The following ODAD2 variants were observed in gnomAD, a reference collection of about 807,000 sequenced individuals.
ODAD2 encodes outer dynein arm docking complex subunit 2, also known as outer dynein arm-docking complex subunit 2.
Under a neutral mutation model 106.8 loss-of-function variants are expected in ODAD2, and 89 were observed. That is an observed-to-expected ratio of 0.83 (90% CI 0.70 to 0.99). The LOEUF is 0.99. ODAD2 is among the 50% of genes least tolerant of loss of function. The pLI, the probability that ODAD2 is intolerant of heterozygous loss-of-function variation, is 0.00. For synonymous variants in ODAD2, 404 were observed against 436.2 expected (o/e 0.93, Z 0.92); for missense variants, 1,168 against 1,238.5 (o/e 0.94, Z 0.85).
chr10:27,830,514 G>A (rs1793449631), intron 19 of ODAD2, among the ~76,000 whole-genome samples: 1 of 152,196 alleles, frequency 6.6e-6, no homozygotes. Context: ...TTAGAGAAGA[G>A]AGTTTTTCAG....
At chr10:27,893,475 C>T (rs1489297653) in intron 17 of ODAD2, among the ~76,000 whole-genome samples, 1 of 152,116 alleles carries the variant, frequency 6.6e-6, no homozygotes, top group Non-Finnish European at 1.5e-5. Flanking sequence ...TGCTTTCTTC[C>T]CTTTCATGTG....
intron 17 of ODAD2, among the ~76,000 whole-genome samples, chr10:27,869,530 T>C (rs563631070): frequency 7.6e-4 from 90 of 118,640 alleles, no homozygotes; most frequent in Non-Finnish European, 1.4e-3. Flanking sequence ...TTTTTTTCTT[T>C]TTTCTTTTTC....
At chr10:27,868,287 A>G (rs2133397564) in intron 17 of ODAD2, among the ~76,000 whole-genome samples, 1 of 152,298 alleles carries the variant, frequency 6.6e-6, no homozygotes, top group East Asian at 1.9e-4. Context: ...TCAAGGATCT[A>G]GAACCAGAAA....
rs1273681974 is a variant in ODAD2 at position 27,907,735 on chromosome 10, C to T, written c.2538G>A (p.Leu846=). The part of the protein sequence containing the change: ...RLDGVRLLWS[L]LKNPHPDVKA... Reference sequence around the variant, plus strand: ...TCACGTCTGGGTGAGGATTTTTCAGCAGGGACCACAACAAACGAACTCCAT... The same window carrying T: ...TCACGTCTGGGTGAGGATTTTTCAGTAGGGACCACAACAAACGAACTCCAT... Residue 846 remains leucine, a synonymous_variant, in exon 17 of 20, where the codon CTG becomes CTA. Coordinates refer to ENST00000305242, the MANE Select transcript of ODAD2 (RefSeq NM_018076.5). 1 of 1,613,872 alleles carries T rather than the reference C, an allele frequency of 6.2e-7. No homozygotes were observed. Among genetic ancestry groups the T allele is most frequent in the Admixed American group, 1.7e-5 (1 of 59,994 alleles).
At chr10:27,992,226 T>C (rs1419992542) in intron 2 of ODAD2, among the ~76,000 whole-genome samples, 1 of 152,166 alleles carries the variant, frequency 6.6e-6, no homozygotes, top group Non-Finnish European at 1.5e-5. Flanking sequence ...TACCTCTCTC[T>C]ACCCTTCCAA....
intron 19 of ODAD2, among the ~76,000 whole-genome samples, chr10:27,850,823 T>C (rs897737846): frequency 2.6e-5 from 4 of 152,092 alleles, no homozygotes; most frequent in African/African-American, 9.7e-5. Context: ...ACAAAAAAGG[T>C]AAGCCCTAAG....
At chr10:27,928,336 T>A (rs904299402) in intron 16 of ODAD2, among the ~76,000 whole-genome samples, 1 of 152,120 alleles carries the variant, frequency 6.6e-6, no homozygotes, top group African/African-American at 2.4e-5. Flanking sequence ...CCATCATAGG[T>A]CTTTATTTAA....
intron 19 of ODAD2, among the ~76,000 whole-genome samples, chr10:27,826,640 T>A (rs2132938700): frequency 6.6e-6 from 1 of 152,026 alleles, no homozygotes; most frequent in South Asian, 2.1e-4. Context: ...GGAAGAGGTG[T>A]CTCCTCCTGC....
At chr10:27,925,991 G>A (rs908315704) in intron 16 of ODAD2, among the ~76,000 whole-genome samples, 4 of 143,272 alleles carry the variant, frequency 2.8e-5, no homozygotes, top group African/African-American at 5.2e-5. Context: ...GGGTGACAGA[G>A]TGAGACTCCA....
At chr10:27,879,630 T>C (rs1054840739) in intron 17 of ODAD2, among the ~76,000 whole-genome samples, 5 of 152,208 alleles carry the variant, frequency 3.3e-5, no homozygotes, top group African/African-American at 7.2e-5. Context: ...AACTATATGA[T>C]GTATTATACT....
chr10:27,905,109 A>C (rs1843493795), intron 17 of ODAD2: 6 of 212,622 alleles, frequency 2.8e-5, no homozygotes, highest in Admixed American at 2.5e-4. Context: ...GAGGACATGC[A>C]AGCATTTTGA....
chr10:27,928,194 A>G (rs1590046870), intron 16 of ODAD2, among the ~76,000 whole-genome samples: 1 of 152,048 alleles, frequency 6.6e-6, no homozygotes, highest in African/African-American at 2.4e-5. Flanking sequence ...TCTTTCTTCA[A>G]CCATCTTCTA....
At chr10:27,871,038 A>T (rs1589872350) in intron 17 of ODAD2, among the ~76,000 whole-genome samples, 2 of 152,278 alleles carry the variant, frequency 1.3e-5, no homozygotes, top group Admixed American at 6.5e-5. Context: ...CTTTTTAATG[A>T]TCGACATTCT....
At chr10:27,818,826 C>A (rs567496867) in intron 19 of ODAD2, among the ~76,000 whole-genome samples, 1 of 152,260 alleles carries the variant, frequency 6.6e-6, no homozygotes, top group South Asian at 2.1e-4. Context: ...CATAGCTCAA[C>A]TACCTGAGAA....
In ODAD2 at chr10:27,882,173, A is replaced by AAAAGAAAGAAAGAAAGAAAG. The variant is rs377482668; in HGVS notation, c.2611-19571_2611-19552dup. Among the ~76,000 whole-genome samples the AAAAGAAAGAAAGAAAGAAAG allele has an allele frequency of 7.1e-3, 775 of 109,720 alleles. 9 individuals carry two copies. The highest frequency in any genetic ancestry group is 0.014 in the East Asian group (54 of 3,938). 72.0% of individuals were successfully genotyped at this position (109,720 alleles called of 152,430 possible). A position where few individuals can be genotyped will look rare whatever the true frequency, so the allele number is the denominator to read the frequency against. On this transcript the variant is annotated intron_variant, in intron 17 of 19. Coordinates refer to ENST00000305242, the MANE Select transcript of ODAD2 (RefSeq NM_018076.5). The stretch of plus-strand genomic sequence containing the variant: ...ACAGAGTGAGACCTTGTCATAAAAA[A>AAAAGAAAGAAAGAAAGAAAG]AAAGAAAGAAAGAAAGAAAGAAAGA...
intron 10 of ODAD2, chr10:27,957,526 A>T (rs1205576846): frequency 6.6e-6 from 1 of 152,256 alleles, no homozygotes; most frequent in East Asian, 1.9e-4. Context: ...CTTATCAGTA[A>T]GGTAGCTGAA....
At chr10:27,903,975 A>C (rs1843400057) in intron 17 of ODAD2, among the ~76,000 whole-genome samples, 1 of 152,130 alleles carries the variant, frequency 6.6e-6, no homozygotes, top group Non-Finnish European at 1.5e-5. Context: ...TTCTCAAGAT[A>C]ATACAATCTA....
At chr10:27,924,714 A>G (rs2133999894) in intron 16 of ODAD2, among the ~76,000 whole-genome samples, 1 of 150,638 alleles carries the variant, frequency 6.6e-6, no homozygotes, top group African/African-American at 2.4e-5. Context: ...GAAAATTTAA[A>G]CACCATTAAG....
chr10:27,928,580 T>G (rs1299200347), intron 16 of ODAD2, among the ~76,000 whole-genome samples: 1 of 152,142 alleles, frequency 6.6e-6, no homozygotes, highest in Non-Finnish European at 1.5e-5. Context: ...CCTCCTTTAC[T>G]GCAGGTGAGA....
Sources: allele counts gnomAD v4.1 joint callset (sites outside exome capture counted in the v4.1 genomes callset), GRCh38; gene constraint gnomAD v4.1.1; transcripts MANE v1.5; gene names NCBI Gene and HGNC (gene_info 2026-07-23, HGNC 2026-07-21).